CTNNA2: variants seen among roughly 807,000 people sequenced by gnomAD.
CTNNA2 encodes catenin alpha 2.
Under a neutral mutation model 101.0 loss-of-function variants are expected in CTNNA2, and 42 were observed. The observed-to-expected ratio is 0.42, with a 90% CI of 0.32 to 0.54. CTNNA2 has a LOEUF of 0.54. Among genes scored for constraint, CTNNA2 ranks in the 20% least tolerant of loss-of-function variants. CTNNA2 has a pLI of 0.14. For synonymous variants in CTNNA2, 450 were observed against 456.4 expected (o/e 0.99, Z 0.18); for missense variants, 871 against 1,223.1 (o/e 0.71, Z 4.29).
intron 1 of CTNNA2, among the ~76,000 whole-genome samples, chr2:79,541,427 CATATA>C (rs1164190617): frequency 7.0e-6 from 1 of 142,794 alleles, no homozygotes; most frequent in African/African-American, 2.6e-5. Flanking sequence ...CGCACACACA[CATATA>C]TATATATATA....
intron 3 of CTNNA2, among the ~76,000 whole-genome samples, chr2:79,820,951 G>C (rs1038219549): frequency 1.2e-4 from 19 of 152,014 alleles, no homozygotes; most frequent in African/African-American, 4.6e-4. Flanking sequence ...GTATTTCCTG[G>C]AATGCTTGGT....
chr2:80,525,154 C>T (rs1413942248), intron 9 of CTNNA2, among the ~76,000 whole-genome samples: 2 of 151,536 alleles, frequency 1.3e-5, no homozygotes, highest in African/African-American at 4.8e-5. Context: ...CTCTTTCCTC[C>T]TCTGGTAGTT....
chr2:79,452,096 A>C (rs1303487890), intron 4 of CTNNA2, among the ~76,000 whole-genome samples: 1 of 152,126 alleles, frequency 6.6e-6, no homozygotes, highest in Non-Finnish European at 1.5e-5. Flanking sequence ...TTTTCTGGCT[A>C]CTTAACAACA....
intron 1 of CTNNA2, chr2:79,575,390 C>T (rs1220505988): frequency 2.0e-5 from 3 of 152,168 alleles, no homozygotes; most frequent in African/African-American, 7.2e-5. Context: ...CAAATGCCAT[C>T]GTGTTGTCTC....
intron 7 of CTNNA2, among the ~76,000 whole-genome samples, chr2:80,124,946 G>A (rs1702034404): frequency 6.6e-6 from 1 of 152,114 alleles, no homozygotes; most frequent in South Asian, 2.1e-4. Flanking sequence ...GTGGAGCAGG[G>A]GCCAAGGCAG....
At chr2:80,178,473 A>G (rs1573312091) in intron 7 of CTNNA2, among the ~76,000 whole-genome samples, 1 of 152,100 alleles carries the variant, frequency 6.6e-6, no homozygotes, top group Admixed American at 6.5e-5. Flanking sequence ...GCTGTGATTC[A>G]CCTATGGGGG....
At chr2:79,793,640 T>C (rs1197224500) in intron 3 of CTNNA2, among the ~76,000 whole-genome samples, 1 of 152,154 alleles carries the variant, frequency 6.6e-6, no homozygotes, top group African/African-American at 2.4e-5. Context: ...TTAGTGCATA[T>C]GCTCACAAGA....
At chr2:80,409,862 C>T (rs1679409940) in intron 8 of CTNNA2, among the ~76,000 whole-genome samples, 1 of 151,646 alleles carries the variant, frequency 6.6e-6, no homozygotes, top group Non-Finnish European at 1.5e-5. Context: ...CATTATTTCT[C>T]TTGAGATTAG....
chr2:79,970,557 G>A (rs780737631), intron 7 of CTNNA2, among the ~76,000 whole-genome samples: 31 of 152,142 alleles, frequency 2.0e-4, no homozygotes, highest in Non-Finnish European at 4.0e-4. Flanking sequence ...TGCTCCGTAT[G>A]GAGAAGAGGA....
intron 2 of CTNNA2, among the ~76,000 whole-genome samples, chr2:79,740,109 C>T (rs1013785494): frequency 6.6e-6 from 1 of 152,028 alleles, no homozygotes; most frequent in South Asian, 2.1e-4. Flanking sequence ...TATTTTGTCA[C>T]CCAGGTATTT....
chr2:79,570,081 A>C (rs1338421432), intron 1 of CTNNA2, among the ~76,000 whole-genome samples: 1 of 152,170 alleles, frequency 6.6e-6, no homozygotes, highest in African/African-American at 2.4e-5. Flanking sequence ...GTGGTGAATA[A>C]ATTTGTATCC....
intron 3 of CTNNA2, among the ~76,000 whole-genome samples, chr2:79,321,873 A>G (rs1676632485): frequency 6.6e-6 from 1 of 152,126 alleles, no homozygotes; most frequent in South Asian, 2.1e-4. Context: ...CAGTACATGC[A>G]TGGGAAATCC....
intron 3 of CTNNA2, among the ~76,000 whole-genome samples, chr2:79,329,855 C>T (rs1263568039): frequency 6.6e-6 from 1 of 152,146 alleles, no homozygotes; most frequent in Non-Finnish European, 1.5e-5. Flanking sequence ...TTCTTATCTA[C>T]AAGAATGGCT....
intron 3 of CTNNA2, among the ~76,000 whole-genome samples, chr2:79,363,749 T>C (rs1341371588): frequency 6.6e-6 from 1 of 152,198 alleles, no homozygotes; most frequent in African/African-American, 2.4e-5. Context: ...TTTTGTACTC[T>C]ATATAAGCCA....
chr2:79,965,827 C>CAAAAAAAAAAAAAAAAAA (rs10686940), intron 7 of CTNNA2, among the ~76,000 whole-genome samples: 14 of 77,996 alleles, frequency 1.8e-4, no homozygotes, highest in East Asian at 3.6e-4. Flanking sequence ...GAGACTATGT[C>CAAAAAAAAAAAAAAAAAA]AAAAAAAAAA....
intron 3 of CTNNA2, among the ~76,000 whole-genome samples, chr2:79,772,018 C>T (rs1673625931): frequency 6.7e-6 from 1 of 148,748 alleles, no homozygotes. Flanking sequence ...CCCCTCCTCT[C>T]CTCTTCTTTT....
chr2:79,287,445 C>G (rs895240670), intron 2 of CTNNA2, among the ~76,000 whole-genome samples: 5 of 152,076 alleles, frequency 3.3e-5, no homozygotes, highest in African/African-American at 4.8e-5. Flanking sequence ...TGTGGATGTC[C>G]TTTCTGTTTG....
intron 7 of CTNNA2, among the ~76,000 whole-genome samples, chr2:80,278,612 C>A (rs1352199588): frequency 6.6e-6 from 1 of 152,074 alleles, no homozygotes; most frequent in Non-Finnish European, 1.5e-5. Context: ...TTACTACCAT[C>A]CTATTGGTGA....
At chr2:79,262,623 C>T (rs1674938258) in intron 2 of CTNNA2, among the ~76,000 whole-genome samples, 1 of 152,094 alleles carries the variant, frequency 6.6e-6, no homozygotes. Flanking sequence ...TCACCATCAC[C>T]TGGGATCTGG....
Sources: allele counts gnomAD v4.1 joint callset (sites outside exome capture counted in the v4.1 genomes callset), GRCh38; gene constraint gnomAD v4.1.1; transcripts MANE v1.5; gene names NCBI Gene and HGNC (gene_info 2026-07-23, HGNC 2026-07-21).